GALNT13: variants seen among roughly 807,000 people sequenced by gnomAD.
GALNT13 encodes UDP-GalNAc:polypeptide N-acetylgalactosaminyltransferase 13.
GALNT13 carries 28 observed loss-of-function variants against 64.2 expected under a neutral mutation model. That is an observed-to-expected ratio of 0.44 (90% CI 0.32 to 0.60). GALNT13 has a LOEUF of 0.60. Ranked by LOEUF, GALNT13 falls within the 20% of genes least tolerant of loss-of-function variation. GALNT13 has a pLI of 0.05. For missense variants in GALNT13, 577 were observed against 669.8 expected (o/e 0.86, Z 1.53); for synonymous variants, 214 against 224.6 (o/e 0.95, Z 0.42).
At chr2:153,631,500 G>A in the GALNT13 span, among the ~76,000 whole-genome samples, 34 of 152,090 alleles carry the variant, frequency 2.2e-4, no homozygotes, top group East Asian at 9.7e-4. Context: ...AATGATCGCC[G>A]TTCTAACTGG....
At chr2:153,964,139 A>T (rs1693156334) in intron 3 of GALNT13, among the ~76,000 whole-genome samples, 1 of 152,092 alleles carries the variant, frequency 6.6e-6, no homozygotes, top group African/African-American at 2.4e-5. Context: ...GAAAGGCATG[A>T]GTTTTAGAAA....
chr2:153,073,332 A>G, the GALNT13 span, among the ~76,000 whole-genome samples: 1 of 151,972 alleles, frequency 6.6e-6, no homozygotes, highest in Admixed American at 6.6e-5. Flanking sequence ...AGTACTATAA[A>G]TTAATAATAA....
intron 9 of GALNT13, among the ~76,000 whole-genome samples, chr2:154,373,750 A>G (rs748989046): frequency 6.6e-6 from 1 of 152,178 alleles, no homozygotes; most frequent in Non-Finnish European, 1.5e-5. Flanking sequence ...ACGTTTTCCC[A>G]TATTGGGCAC....
the GALNT13 span, among the ~76,000 whole-genome samples, chr2:153,453,810 T>G: frequency 6.6e-6 from 1 of 152,168 alleles, no homozygotes. Flanking sequence ...AAAAGACACA[T>G]GCACTCATAT....
intron 8 of GALNT13, among the ~76,000 whole-genome samples, chr2:154,260,513 A>G (rs2105903926): frequency 6.6e-6 from 1 of 152,234 alleles, no homozygotes; most frequent in African/African-American, 2.4e-5. Flanking sequence ...TCTGAGACAA[A>G]CCTTAGTTAA....
the GALNT13 span, among the ~76,000 whole-genome samples, chr2:153,372,768 A>G: frequency 6.6e-6 from 1 of 152,150 alleles, no homozygotes; most frequent in Middle Eastern, 3.2e-3. Context: ...TTGGAAGTAA[A>G]TGTTGCCTCT....
the GALNT13 span, among the ~76,000 whole-genome samples, chr2:153,842,330 G>T: frequency 5.9e-3 from 894 of 152,266 alleles, 9 homozygotes; most frequent in African/African-American, 0.021. Flanking sequence ...TGGTAAGTAA[G>T]AAACTGAGTA....
At chr2:154,331,333 A>G (rs949088118) in intron 9 of GALNT13, among the ~76,000 whole-genome samples, 2 of 152,026 alleles carry the variant, frequency 1.3e-5, no homozygotes, top group South Asian at 2.1e-4. Flanking sequence ...TCTTCATTGC[A>G]AGTAACAAGC....
the GALNT13 span, among the ~76,000 whole-genome samples, chr2:153,548,222 C>T: frequency 6.6e-6 from 1 of 152,150 alleles, no homozygotes; most frequent in Admixed American, 6.5e-5. Context: ...TGGGGCCTGA[C>T]ACCCTGCATT....
the GALNT13 span, among the ~76,000 whole-genome samples, chr2:153,554,547 A>C: frequency 6.6e-6 from 1 of 152,220 alleles, no homozygotes; most frequent in Non-Finnish European, 1.5e-5. Context: ...AAAGAAATGC[A>C]TCTGGAATTT....
intron 11 of GALNT13, among the ~76,000 whole-genome samples, chr2:154,424,643 C>G (rs1700395242): frequency 6.6e-6 from 1 of 152,168 alleles, no homozygotes; most frequent in Non-Finnish European, 1.5e-5. Flanking sequence ...TATCTCAGCC[C>G]TGTCACTCTT....
intron 3 of GALNT13, among the ~76,000 whole-genome samples, chr2:154,033,954 C>A (rs1361651587): frequency 6.6e-6 from 1 of 151,916 alleles, no homozygotes. Context: ...AACAAGCAAA[C>A]AAACAAACAA....
At chr2:153,769,003 C>A in the GALNT13 span, among the ~76,000 whole-genome samples, 1 of 152,134 alleles carries the variant, frequency 6.6e-6, no homozygotes, top group Non-Finnish European at 1.5e-5. Flanking sequence ...AGTCATTACA[C>A]CTGTCTCTTG....
chr2:153,975,995 A>G (rs1196478605), intron 3 of GALNT13, among the ~76,000 whole-genome samples: 4 of 150,546 alleles, frequency 2.7e-5, no homozygotes, highest in African/African-American at 1.0e-4. Flanking sequence ...GAAAAAGAAA[A>G]ATAAATAAAT....
the GALNT13 span, among the ~76,000 whole-genome samples, chr2:153,341,077 A>G: frequency 1.4e-4 from 21 of 152,348 alleles, no homozygotes; most frequent in Non-Finnish European, 7.3e-5. Context: ...CCAGTTTAGT[A>G]AAGGAAGAAA....
intron 2 of GALNT13, among the ~76,000 whole-genome samples, chr2:153,934,844 T>C (rs1250557790): frequency 6.6e-6 from 1 of 152,186 alleles, no homozygotes; most frequent in Non-Finnish European, 1.5e-5. Flanking sequence ...GCCTGGCTGT[T>C]TGGGGCCTTG....
At chr2:153,751,876 T>C in the GALNT13 span, among the ~76,000 whole-genome samples, 2 of 151,244 alleles carry the variant, frequency 1.3e-5, no homozygotes, top group African/African-American at 4.9e-5. Context: ...ATTTTGTTAT[T>C]TGTTTTCCGG....
chr2:153,738,606 A>G, the GALNT13 span, among the ~76,000 whole-genome samples: 1 of 151,914 alleles, frequency 6.6e-6, no homozygotes, highest in Non-Finnish European at 1.5e-5. Context: ...CAAAAATTGT[A>G]GTATGTATAT....
chr2:153,905,374 G>GT lies in GALNT13; in HGVS notation c.-105+4373dup, dbSNP rs534629246. ...TACTAAACCTTATATATAGACTATGGTTTTTTCTATATATACATACCTCTG... is the reference window on the plus strand; with the variant it reads ...TACTAAACCTTATATATAGACTATGGTTTTTTTCTATATATACATACCTCTG... On this transcript the variant is annotated intron_variant, in intron 2 of 12. Transcript: ENST00000392825. Among the ~76,000 whole-genome samples, 325 of 152,014 alleles carry GT rather than the reference G, an allele frequency of 2.1e-3. 10 individuals carry two copies. In the South Asian group the frequency reaches 0.063, roughly 30 times the overall value.
Sources: allele counts gnomAD v4.1 joint callset (sites outside exome capture counted in the v4.1 genomes callset), GRCh38; gene constraint gnomAD v4.1.1; transcripts MANE v1.5; gene names NCBI Gene and HGNC (gene_info 2026-07-23, HGNC 2026-07-21).